The following BMX variants were observed in gnomAD, a reference collection of about 807,000 sequenced individuals.
BMX encodes the protein BMX non-receptor tyrosine kinase.
A neutral mutation model predicts 59.2 loss-of-function variants in BMX; 31 were observed. The ratio of observed to expected loss-of-function variants is 0.52; its 90% CI spans 0.39 to 0.71. BMX has a LOEUF of 0.71. Among genes scored for constraint, BMX ranks in the 30% least tolerant of loss-of-function variants. The pLI is 0.00. For synonymous variants in BMX, 185 were observed against 181.0 expected (o/e 1.02, Z -0.18); for missense variants, 474 against 491.7 (o/e 0.96, Z 0.34).
chrX:15,503,930 T>C (rs1923653124), intron 1 of BMX, among the ~76,000 whole-genome samples: 1 of 111,709 alleles, frequency 9.0e-6, no homozygotes, highest in Admixed American at 9.5e-5. Context: ...AAATATCCCA[T>C]AGGGTGGGGG....
At chrX:15,531,153 C>CACATAT (rs1202082468) in intron 10 of BMX, among the ~76,000 whole-genome samples, 175 bp from the exon 11 acceptor site, 1 of 110,167 alleles carries the variant, frequency 9.1e-6, no homozygotes, top group East Asian at 2.9e-4. Flanking sequence ...AGAGTTCATA[C>CACATAT]ACATACACAT....
intron 16 of BMX, among the ~76,000 whole-genome samples, chrX:15,544,963 C>A (rs1053299201): frequency 8.1e-5 from 9 of 111,661 alleles, no homozygotes; most frequent in East Asian, 2.8e-4. Flanking sequence ...ATTCCAATTG[C>A]CATAACTCCT....
chrX:15,512,678 C>A (rs965489454), intron 4 of BMX, among the ~76,000 whole-genome samples: 7 of 112,118 alleles, frequency 6.2e-5, no homozygotes, highest in Non-Finnish European at 1.3e-4. Context: ...TTAAGTTAAT[C>A]CTGACCTGTC....
At chrX:15,544,453 C>A (rs1375812862) in intron 16 of BMX, among the ~76,000 whole-genome samples, 1 of 111,506 alleles carries the variant, frequency 9.0e-6, no homozygotes, top group Non-Finnish European at 1.9e-5. Context: ...CAGGGAGAAG[C>A]TCCCAGGTCA....
chrX:15,554,515 G>A (rs1301877057), intron 18 of BMX, among the ~76,000 whole-genome samples: 3 of 110,346 alleles, frequency 2.7e-5, no homozygotes, highest in African/African-American at 9.9e-5. Context: ...TTGAGGGTGG[G>A]TGGGTTTTTT....
intron 16 of BMX, among the ~76,000 whole-genome samples, chrX:15,545,065 C>T (rs1351409759): frequency 9.0e-6 from 1 of 111,152 alleles, no homozygotes; most frequent in African/African-American, 3.3e-5. Context: ...TTTATTAATA[C>T]TATAAATAAT....
chrX:15,533,661 A>C (rs1361140805), intron 11 of BMX, among the ~76,000 whole-genome samples: 2 of 111,858 alleles, frequency 1.8e-5, no homozygotes, highest in East Asian at 5.6e-4. Context: ...ATTGTATAAA[A>C]GCAGAGGAAA....
chrX:15,537,078 G>A, intron 13 of BMX, 56 bp from the exon 14 acceptor site: 2 of 1,161,060 alleles, frequency 1.7e-6, no homozygotes, highest in South Asian at 1.8e-5. Flanking sequence ...TTGGGAAGCT[G>A]TTAGCCCCAA....
chrX:15,514,779 G>C (rs963739295), intron 4 of BMX, among the ~76,000 whole-genome samples: 3 of 111,075 alleles, frequency 2.7e-5, no homozygotes, highest in Non-Finnish European at 5.7e-5. Flanking sequence ...TCATTCCTTA[G>C]TATAAACATG....
chrX:15,510,838 T>C (rs1478378156), intron 3 of BMX, among the ~76,000 whole-genome samples: 2 of 112,458 alleles, frequency 1.8e-5, no homozygotes, highest in Non-Finnish European at 3.8e-5. Flanking sequence ...GGAGAAGATA[T>C]TGTAATCTTC....
At position 15,549,917 on chromosome X, in the gene BMX, G is replaced by T; in HGVS notation, c.1873G>T (p.Val625Phe). 2.5e-6 allele frequency: 3 copies of T among 1,209,853 alleles called. No individual in the cohort carries two copies. The highest frequency in any genetic ancestry group is 3.4e-6 in the Non-Finnish European group (3 of 894,703). The part of the protein sequence containing the change: ...LYDNSQVVLK[V>F]SQGHRLYRPH... ...TGACAACTCCCAGGTGGTTCTGAAGGTCTCCCAGGGCCACAGGCTTTACCG... is the reference window on the plus strand; with the variant it reads ...TGACAACTCCCAGGTGGTTCTGAAGTTCTCCCAGGGCCACAGGCTTTACCG... Residue 625 changes from valine to phenylalanine, a missense_variant, in exon 18 of 19, where the codon GTC (valine) becomes TTC (phenylalanine). Coordinates refer to ENST00000348343, the MANE Select transcript of BMX (RefSeq NM_203281.3).
rs770903933 is a variant in BMX, at chrX:15,509,319, T to A, written c.139-10T>A. 9.3e-6 allele frequency: 11 copies of A among 1,188,987 alleles called. No individual in the cohort carries two copies. The highest frequency in any genetic ancestry group is 1.1e-5 in the Non-Finnish European group (10 of 883,579). On this transcript the variant is annotated splice_polypyrimidine_tract_variant and intron_variant, in intron 2 of 18. Coordinates refer to ENST00000348343, the MANE Select transcript of BMX (RefSeq NM_203281.3). ...GCAGGAAGTATCTTACATTTTGTTT[T>A]TTAATTCAGAAAAGGGGCAGCAGAA...
intron 9 of BMX, among the ~76,000 whole-genome samples, chrX:15,527,247 A>ATATAT (rs1569224670): frequency 7.5e-4 from 42 of 56,274 alleles, no homozygotes; most frequent in African/African-American, 3.6e-3. Context: ...CACACACACA[A>ATATAT]ATATATATAT....
intron 14 of BMX, among the ~76,000 whole-genome samples, chrX:15,538,926 G>T (rs1925513523): frequency 9.0e-6 from 1 of 111,346 alleles, no homozygotes; most frequent in African/African-American, 3.3e-5. Flanking sequence ...TACCTAGAAG[G>T]TACCTAGAAG....
intron 18 of BMX, among the ~76,000 whole-genome samples, chrX:15,551,544 T>TATATA (rs11411554): frequency 1.1e-5 from 1 of 92,565 alleles, no homozygotes; most frequent in African/African-American, 3.9e-5. Flanking sequence ...TATATATATA[T>TATATA]TTTTTTTTTT....
intron 4 of BMX, among the ~76,000 whole-genome samples, chrX:15,513,394 T>C (rs73635808): frequency 0.055 from 6,115 of 111,626 alleles, 409 homozygotes; most frequent in African/African-American, 0.18. Flanking sequence ...GACAGTATCT[T>C]TTTTTTCCAG....
chrX:15,554,826 TAC>T (rs1926352131), intron 18 of BMX, among the ~76,000 whole-genome samples: 1 of 111,773 alleles, frequency 8.9e-6, no homozygotes, highest in East Asian at 2.8e-4. Flanking sequence ...AGGAATGAGA[TAC>T]CACCTTAATG....
At chrX:15,552,478 T>C (rs1442873726) in intron 18 of BMX, among the ~76,000 whole-genome samples, 1 of 112,262 alleles carries the variant, frequency 8.9e-6, no homozygotes, top group East Asian at 2.8e-4. Flanking sequence ...GACATAAGTG[T>C]TGTGATTAGT....
rs1440812318 is a variant in BMX at position 15,541,986 on chromosome X, C to T, written c.1399C>T (p.Leu467Phe). Residue 467 changes from leucine to phenylalanine, a missense_variant, in exon 15 of 19, where the codon CTC (leucine) becomes TTC (phenylalanine). Physicochemically the swap from Leu to Phe is conservative, Grantham distance 22. Coordinates refer to ENST00000348343, the MANE Select transcript of BMX (RefSeq NM_203281.3). The stretch of plus-strand genomic sequence containing the variant: ...TTGAAAATCTGTTATTTCCAGGAAA[C>T]TCAGCCATCCCAAGCTGGTTAAATT... Reference protein sequence around the residue: ...FFQEAQTMMKLSHPKLVKFYG... With the variant: ...FFQEAQTMMKFSHPKLVKFYG... The T allele has an allele frequency of 8.3e-7, 1 of 1,207,928 alleles. No homozygotes were observed.
Sources: allele counts gnomAD v4.1 joint callset (sites outside exome capture counted in the v4.1 genomes callset), GRCh38; gene constraint gnomAD v4.1.1; transcripts MANE v1.5; gene names NCBI Gene and HGNC (gene_info 2026-07-23, HGNC 2026-07-21).